The following RGL1 variants were observed in gnomAD, a reference collection of about 807,000 sequenced individuals.
RGL1 encodes the protein ral guanine nucleotide dissociation stimulator like 1, also known as ral guanine nucleotide dissociation stimulator-like 1.
A neutral mutation model predicts 95.2 loss-of-function variants in RGL1; 24 were observed. That is an observed-to-expected ratio of 0.25 (90% CI 0.18 to 0.35). RGL1 has a LOEUF of 0.35. RGL1 is among the 10% of genes least tolerant of loss of function. The pLI, the probability that RGL1 is intolerant of heterozygous loss-of-function variation, is 1.00. For missense variants in RGL1, 715 were observed against 936.3 expected (o/e 0.76, Z 3.08); for synonymous variants, 329 against 344.9 (o/e 0.95, Z 0.51).
chr1:183,656,421 A>G (rs1651168309), intron 1 of RGL1, among the ~76,000 whole-genome samples: 1 of 152,208 alleles, frequency 6.6e-6, no homozygotes, highest in Non-Finnish European at 1.5e-5. Flanking sequence ...CTTCGTACTC[A>G]GCGAATTGTA....
chr1:183,839,043 G>A (rs1267961772), intron 2 of RGL1, among the ~76,000 whole-genome samples: 1 of 152,124 alleles, frequency 6.6e-6, no homozygotes, highest in East Asian at 1.9e-4. Flanking sequence ...ATTTCTTCTG[G>A]TTTCTCTGCC....
At chr1:183,652,699 A>C (rs1299467974) in intron 1 of RGL1, among the ~76,000 whole-genome samples, 3 of 152,212 alleles carry the variant, frequency 2.0e-5, no homozygotes, top group Non-Finnish European at 4.4e-5. Flanking sequence ...TTTCCCCAGC[A>C]GCTGGTGTCC....
rs138398921 is a variant in RGL1 at position 183,678,988 on chromosome 1, C to T, written c.-33+42487C>T. On this transcript the variant is annotated intron_variant, in intron 1 of 18. Transcript: ENST00000304685. ...GCTTTTAAGTGGAAAGACTAGGAGA[C>T]GTGAGTACCAAAGTGGATGGAAGAG... 1.2e-4 allele frequency among the ~76,000 whole-genome samples: 19 copies of T among 152,246 alleles called. No individual in the cohort carries two copies. The East Asian group carries it at 3.1e-3, about 25-fold the overall frequency.
intron 1 of RGL1, among the ~76,000 whole-genome samples, chr1:183,666,298 C>A (rs1237948630): frequency 6.6e-6 from 1 of 152,060 alleles, no homozygotes; most frequent in Non-Finnish European, 1.5e-5. Flanking sequence ...AGCCACCGCG[C>A]CTGGGCCTAG....
intron 2 of RGL1, among the ~76,000 whole-genome samples, chr1:183,784,091 C>G (rs2102361638): frequency 6.6e-6 from 1 of 152,294 alleles, no homozygotes; most frequent in South Asian, 2.1e-4. Context: ...TAGAAATAGC[C>G]TGGTTTGCTG....
chr1:183,836,591 A>G (rs1398391706), intron 2 of RGL1, among the ~76,000 whole-genome samples: 2 of 152,140 alleles, frequency 1.3e-5, no homozygotes, highest in African/African-American at 4.8e-5. Flanking sequence ...TCAAAGAGGT[A>G]TACTCAGGAT....
At chr1:183,910,889 G>C (rs568210560) in intron 14 of RGL1, among the ~76,000 whole-genome samples, 5 of 152,242 alleles carry the variant, frequency 3.3e-5, no homozygotes, top group African/African-American at 1.2e-4. Context: ...TTATTTTGCA[G>C]CTTGGCTTAT....
intron 1 of RGL1, among the ~76,000 whole-genome samples, chr1:183,732,868 G>A (rs1358027905): frequency 6.6e-6 from 1 of 152,196 alleles, no homozygotes; most frequent in Non-Finnish European, 1.5e-5. Flanking sequence ...CCGTTGCTAT[G>A]CAAAGCAGTT....
At chr1:183,885,034 C>G in intron 7 of RGL1, 96 bp downstream of exon 7, 1 of 1,061,856 alleles carries the variant, frequency 9.4e-7, no homozygotes, top group Non-Finnish European at 1.4e-6. Flanking sequence ...GTTGAAAAGG[C>G]AGTCAAAAGA....
chr1:183,696,213 AC>A (rs1391506078), intron 1 of RGL1, among the ~76,000 whole-genome samples: 8 of 151,624 alleles, frequency 5.3e-5, no homozygotes, highest in African/African-American at 1.7e-4. Flanking sequence ...CACTCCACTT[AC>A]TCTCCAAGGC....
intron 10 of RGL1, 124 bp from the exon 11 acceptor site, chr1:183,900,026 G>T: frequency 1.6e-6 from 1 of 606,406 alleles, no homozygotes; most frequent in Non-Finnish European, 3.0e-6. Flanking sequence ...GTTATTCATG[G>T]AGGTTAGCAC....
intron 2 of RGL1, among the ~76,000 whole-genome samples, chr1:183,763,181 C>T (rs1369138512): frequency 2.6e-5 from 4 of 152,016 alleles, no homozygotes; most frequent in Non-Finnish European, 4.4e-5. Flanking sequence ...TAAGTGGGAG[C>T]TGAACAATGA....
At chr1:183,856,197 A>T (rs970868505) in intron 3 of RGL1, among the ~76,000 whole-genome samples, 4 of 152,158 alleles carry the variant, frequency 2.6e-5, no homozygotes, top group Non-Finnish European at 4.4e-5. Context: ...GTTAGAACAG[A>T]TGAGTTTAAA....
intron 9 of RGL1, among the ~76,000 whole-genome samples, chr1:183,895,426 A>G (rs1667637180): frequency 6.6e-6 from 1 of 152,132 alleles, no homozygotes; most frequent in African/African-American, 2.4e-5. Flanking sequence ...GGGGGAGATA[A>G]AAGGAGAGAG....
intron 1 of RGL1, chr1:183,710,168 G>A: frequency 4.5e-6 from 1 of 221,424 alleles, no homozygotes; most frequent in Non-Finnish European, 9.4e-6. Flanking sequence ...ACGCTTCATG[G>A]CTCTCAGCAG....
chr1:183,797,588 T>G (rs891958996), intron 2 of RGL1, among the ~76,000 whole-genome samples: 2 of 152,222 alleles, frequency 1.3e-5, no homozygotes, highest in African/African-American at 4.8e-5. Flanking sequence ...CTTATAGTAT[T>G]TCTGTGATAA....
intron 1 of RGL1, chr1:183,648,354 A>C (rs1272842562): frequency 3.1e-6 from 5 of 1,614,242 alleles, no homozygotes; most frequent in Non-Finnish European, 3.4e-6. Flanking sequence ...TGGATACGTA[A>C]TCAGGAAATT....
At chr1:183,889,338 G>A (rs529883658) in intron 8 of RGL1, among the ~76,000 whole-genome samples, 3 of 152,268 alleles carry the variant, frequency 2.0e-5, no homozygotes, top group Admixed American at 2.0e-4. Flanking sequence ...CAACAAGTTT[G>A]CCCAGGTTTG....
chr1:183,681,881 A>G (rs577478966), intron 1 of RGL1, among the ~76,000 whole-genome samples: 7 of 152,150 alleles, frequency 4.6e-5, no homozygotes, highest in African/African-American at 1.7e-4. Context: ...CAGGGATTCG[A>G]CTTCTTCCTG....
Sources: allele counts gnomAD v4.1 joint callset (sites outside exome capture counted in the v4.1 genomes callset), GRCh38; gene constraint gnomAD v4.1.1; transcripts MANE v1.5; gene names NCBI Gene and HGNC (gene_info 2026-07-23, HGNC 2026-07-21).